Variants in SENP8 observed in about 807,000 individuals in gnomAD.
The protein encoded by SENP8 is SUMO peptidase family member, NEDD8 specific.
A neutral mutation model predicts 14.4 loss-of-function variants in SENP8; 10 were observed. That is an observed-to-expected ratio of 0.69 (90% CI 0.43 to 1.18). The LOEUF (loss-of-function observed/expected upper bound fraction) is 1.18, where lower values mean the gene tolerates loss of function less well. Among genes scored for constraint, SENP8 ranks in the 50% most tolerant of loss-of-function variants. The pLI is 0.00. For missense variants in SENP8, 202 were observed against 249.4 expected, an observed-to-expected ratio of 0.81 and a Z score of 1.28; for synonymous variants, 94 against 95.5, an observed-to-expected ratio of 0.98 and a Z score of 0.09.
chr15:72,135,917 G>A (rs2081323817), intron 1 of SENP8, among the ~76,000 whole-genome samples: 1 of 152,078 alleles, frequency 6.6e-6, no homozygotes, highest in African/African-American at 2.4e-5. Flanking sequence ...TAGGTCTCCG[G>A]GTTTTTGCCA....
chr15:72,131,600 C>T (rs1357996341), intron 1 of SENP8, among the ~76,000 whole-genome samples: 1 of 152,030 alleles, frequency 6.6e-6, no homozygotes, highest in African/African-American at 2.4e-5. Flanking sequence ...TAAAATTAAT[C>T]CTTTGTTAAG....
At chr15:72,124,246 T>C (rs2081193126) in intron 1 of SENP8, among the ~76,000 whole-genome samples, 1 of 151,828 alleles carries the variant, frequency 6.6e-6, no homozygotes, top group African/African-American at 2.4e-5. Context: ...AGGAAAAATA[T>C]TTATTTATTA....
intron 1 of SENP8, among the ~76,000 whole-genome samples, chr15:72,124,959 A>C (rs1279640972): frequency 6.6e-6 from 1 of 152,164 alleles, no homozygotes; most frequent in African/African-American, 2.4e-5. Context: ...TTTTCTTTTA[A>C]TAAATTTGTA....
At chr15:72,133,665 C>A (rs2081297790) in intron 1 of SENP8, among the ~76,000 whole-genome samples, 1 of 152,212 alleles carries the variant, frequency 6.6e-6, no homozygotes, top group Admixed American at 6.5e-5. Flanking sequence ...CCTTATACAT[C>A]TTTGTATCTC....
chr15:72,118,199 T>G, upstream of SENP8: 1 of 353,886 alleles, frequency 2.8e-6, no homozygotes, highest in Non-Finnish European at 5.0e-6. Context: ...CCCCGCCCTG[T>G]CCCGCCCCCG....
At chr15:72,125,609 A>G (rs1033956901) in intron 1 of SENP8, among the ~76,000 whole-genome samples, 20 of 152,054 alleles carry the variant, frequency 1.3e-4, no homozygotes, top group African/African-American at 4.6e-4. Flanking sequence ...ATACTTCAAT[A>G]TACAGATAAT....
Position 72,140,276 on chromosome 15 carries a change from T to C in SENP8, c.*14T>C, listed in dbSNP as rs1318871510. The C allele has an allele frequency of 6.3e-7, 1 of 1,585,814 alleles. No homozygotes were observed. The highest frequency in any genetic ancestry group is 8.6e-7 in the Non-Finnish European group (1 of 1,156,430). ...GCTAAAAAGTAGCTATTGAAGTATA[T>C]TTGCGACTTTTGAAGGCTCCTCTTT... On this transcript the variant is annotated 3_prime_UTR_variant, in exon 2 of 2. Transcript: ENST00000340912.
intron 1 of SENP8, among the ~76,000 whole-genome samples, chr15:72,131,452 A>G (rs12903688): frequency 0.95 from 145,288 of 152,250 alleles, 69,694 homozygotes; most frequent in East Asian, 1. Context: ...CATCAGAATG[A>G]CTCCTATTGA....
At chr15:72,122,600 TACC>T (rs1055165008) in intron 1 of SENP8, among the ~76,000 whole-genome samples, 3 of 152,224 alleles carry the variant, frequency 2.0e-5, no homozygotes, top group African/African-American at 7.2e-5. Flanking sequence ...AGGCCACCAT[TACC>T]ACCTTCTTCA....
rs536566035 is a variant in SENP8 at position 72,142,433 on chromosome 15, T to G, written c.*2171T>G. 6.6e-6 allele frequency: 1 copy of G among 152,358 alleles called. No individual in the cohort carries two copies. Among genetic ancestry groups the G allele is most frequent in the South Asian group, 2.1e-4 (1 of 4,834 alleles). The allele number at this position is 152,358 out of a possible 1,614,324, so 9.4% of individuals were successfully genotyped here. ...ATAGGAAAAAATCTTTTGCTGGTAT[T>G]GCGTTCCCTTCTCTCTTAGAGTCAA... On this transcript the variant is annotated 3_prime_UTR_variant, in exon 2 of 2. Transcript: ENST00000340912.
chr15:72,131,274 G>A (rs994288902), intron 1 of SENP8, among the ~76,000 whole-genome samples: 1 of 152,072 alleles, frequency 6.6e-6, no homozygotes, highest in African/African-American at 2.4e-5. Context: ...TGTTTACCTG[G>A]TCCAGACCAC....
chr15:72,130,594 G>A (rs1243036193), intron 1 of SENP8, among the ~76,000 whole-genome samples: 4 of 110,218 alleles, frequency 3.6e-5, no homozygotes, highest in Admixed American at 2.5e-4. Flanking sequence ...ACAGAGTTTC[G>A]CCCTTGTTCC....
chr15:72,135,107 G>T (rs927548662), intron 1 of SENP8: 1 of 220,202 alleles, frequency 4.5e-6, no homozygotes, highest in Non-Finnish European at 9.1e-6. Context: ...TGTCACCCAG[G>T]CTGGAATGCA....
rs944037747 is a variant in SENP8, at chr15:72,141,236, A to AACTT, written c.*976_*979dup. ...ATTTCAGGATGATTTTTGTATCTGA[A>AACTT]ACTTAACAGACTTAGAGTTGGTTTG... is the stretch of plus-strand genomic sequence containing the variant. On this transcript the variant is annotated 3_prime_UTR_variant, in exon 2 of 2. Coordinates refer to ENST00000340912, the MANE Select transcript of SENP8 (RefSeq NM_145204.4). 6.6e-6 allele frequency: 1 copy of AACTT among 152,178 alleles called. No individual in the cohort carries two copies. Among genetic ancestry groups the AACTT allele is most frequent in the Admixed American group, 6.5e-5 (1 of 15,270 alleles). The allele number at this position is 152,178 out of a possible 1,614,324, so 9.4% of individuals were successfully genotyped here.
At chr15:72,114,728 G>A (rs1176391500), upstream of SENP8, among the ~76,000 whole-genome samples, 2 of 152,180 alleles carry the variant, frequency 1.3e-5, no homozygotes, top group African/African-American at 4.8e-5. Flanking sequence ...GGGGTCTAGA[G>A]CAAAGGCAAG....
At chr15:72,118,139 A>T, upstream of SENP8, 1 of 377,056 alleles carries the variant, frequency 2.7e-6, no homozygotes, top group Non-Finnish European at 4.7e-6. Flanking sequence ...GCAGGCGAGC[A>T]GGCGCGCGCG....
intron 1 of SENP8, among the ~76,000 whole-genome samples, chr15:72,128,362 AT>A (rs2081240590): frequency 6.6e-6 from 1 of 152,204 alleles, no homozygotes; most frequent in Non-Finnish European, 1.5e-5. Context: ...GCTTGTGCTC[AT>A]TCCTTTATTA....
At chr15:72,126,759 C>T (rs2081224456) in intron 1 of SENP8, among the ~76,000 whole-genome samples, 1 of 152,196 alleles carries the variant, frequency 6.6e-6, no homozygotes. Flanking sequence ...GTCAGGCAAA[C>T]ATGATTACTA....
In SENP8 at chr15:72,140,481, T is replaced by C. The variant is rs938133343; in HGVS notation, c.*219T>C. The stretch of plus-strand genomic sequence containing the variant: ...GTTCTGTGAAAATATCTTGAAATTG[T>C]ACACCAAAACCTTACAACCAACTTA... On this transcript the variant is annotated 3_prime_UTR_variant, in exon 2 of 2. Coordinates refer to ENST00000340912, the MANE Select transcript of SENP8 (RefSeq NM_145204.4). The C allele has an allele frequency of 5.5e-6, 3 of 544,734 alleles. No individual in the cohort carries two copies. Among genetic ancestry groups the C allele is most frequent in the Non-Finnish European group, 1.0e-5 (3 of 299,860 alleles). The allele number at this position is 544,734 out of a possible 1,614,324, so 33.7% of individuals were successfully genotyped here. A position where few individuals can be genotyped will look rare whatever the true frequency, so the allele number is the denominator to read the frequency against.
Sources: gnomAD v4.1 joint callset for allele counts (sites outside exome capture counted in the v4.1 genomes callset) on GRCh38, gnomAD v4.1.1 for gene constraint, MANE v1.5 for transcripts, NCBI Gene and HGNC (gene_info 2026-07-23, HGNC 2026-07-21) for gene names.